The following TRIM33 variants were observed in gnomAD, a reference collection of about 807,000 sequenced individuals.
TRIM33 encodes the protein E3 ubiquitin-protein ligase TRIM33.
TRIM33 carries 20 observed loss-of-function variants against 125.4 expected under a neutral mutation model. That is an observed-to-expected ratio of 0.16 (90% CI 0.11 to 0.23). TRIM33 has a LOEUF of 0.23. TRIM33 is among the 10% of genes least tolerant of loss of function. The pLI, the probability that TRIM33 is intolerant of heterozygous loss-of-function variation, is 1.00. For missense variants in TRIM33, 920 were observed against 1,411.4 expected (o/e 0.65, Z 5.58); for synonymous variants, 564 against 513.9 (o/e 1.10, Z -1.32).
intron 1 of TRIM33, among the ~76,000 whole-genome samples, chr1:114,477,432 A>G (rs1651044877): frequency 6.6e-6 from 1 of 152,178 alleles, no homozygotes; most frequent in Non-Finnish European, 1.5e-5. Context: ...AAAATTATTA[A>G]TGGAACAGAT....
intron 16 of TRIM33, among the ~76,000 whole-genome samples, chr1:114,402,465 G>C (rs982422313): frequency 1.3e-5 from 2 of 152,100 alleles, no homozygotes; most frequent in African/African-American, 4.8e-5. Context: ...GGAATACTGG[G>C]GGAGGAATAC....
intron 4 of TRIM33, among the ~76,000 whole-genome samples, chr1:114,448,375 AGGAT>A (rs1248530105): frequency 6.6e-6 from 1 of 152,200 alleles, no homozygotes; most frequent in Non-Finnish European, 1.5e-5. Flanking sequence ...TTTCAGAGTG[AGGAT>A]GAAGTATTTG....
Position 114,511,107 on chromosome 1 carries a change from C to T in TRIM33, c.-31G>A, listed in dbSNP as rs527494031. 1 of 1,145,644 alleles carries T rather than the reference C, an allele frequency of 8.7e-7. No individual in the cohort carries two copies. Among genetic ancestry groups the T allele is most frequent in the South Asian group, 4.2e-5 (1 of 24,074 alleles). The allele number at this position is 1,145,644 out of a possible 1,614,324, so 71.0% of individuals were successfully genotyped here. A position where few individuals can be genotyped will look rare whatever the true frequency, so the allele number is the denominator to read the frequency against. ...CCTCTTTGAACCCGCCGGACCGCCC[C>T]GCGCCGCCCGCCGCCCGCGTCGCCG... On this transcript the variant is annotated 5_prime_UTR_variant, in exon 1 of 20. Transcript: ENST00000358465.
intron 5 of TRIM33, 142 bp downstream of exon 5, chr1:114,433,475 T>C: frequency 1.8e-6 from 1 of 546,720 alleles, no homozygotes. Context: ...AATTGACAAA[T>C]ATTATAATCC....
chr1:114,424,552 A>T, intron 10 of TRIM33, 39 bp downstream of exon 10: 1 of 1,465,426 alleles, frequency 6.8e-7, no homozygotes, highest in South Asian at 1.5e-5. Flanking sequence ...TTTTAATTTT[A>T]AAATTGTAGG....
At chr1:114,465,048 T>C (rs1263473876) in intron 1 of TRIM33, among the ~76,000 whole-genome samples, 3 of 152,232 alleles carry the variant, frequency 2.0e-5, no homozygotes, top group Non-Finnish European at 4.4e-5. Flanking sequence ...AGACAGGTGC[T>C]GTTTTAAGAC....
At chr1:114,412,528 C>T (rs1287615840) in intron 11 of TRIM33, among the ~76,000 whole-genome samples, 3 of 152,234 alleles carry the variant, frequency 2.0e-5, no homozygotes, top group African/African-American at 4.8e-5. Context: ...ATCAATCCCT[C>T]TCTCAAACAA....
intron 4 of TRIM33, among the ~76,000 whole-genome samples, chr1:114,455,358 G>T (rs893145607): frequency 6.6e-6 from 1 of 152,200 alleles, no homozygotes. Context: ...GACTATGAGT[G>T]ACATGACTAT....
intron 1 of TRIM33, among the ~76,000 whole-genome samples, chr1:114,496,931 G>A (rs1454992097): frequency 1.3e-5 from 2 of 152,126 alleles, no homozygotes; most frequent in Non-Finnish European, 2.9e-5. Flanking sequence ...ACAAAACACT[G>A]TACTCTTTCA....
chr1:114,497,232 C>A (rs1004385293), intron 1 of TRIM33, among the ~76,000 whole-genome samples: 7 of 152,190 alleles, frequency 4.6e-5, no homozygotes, highest in Admixed American at 1.3e-4. Flanking sequence ...TAGTCAAAGA[C>A]AATACATAAA....
At chr1:114,502,046 A>G (rs971616183) in intron 1 of TRIM33, among the ~76,000 whole-genome samples, 2 of 152,232 alleles carry the variant, frequency 1.3e-5, no homozygotes, top group Non-Finnish European at 2.9e-5. Flanking sequence ...CAATCTCTGA[A>G]GTTGGCTTAG....
At chr1:114,408,301 G>GT (rs1028467395) in intron 13 of TRIM33, among the ~76,000 whole-genome samples, 81 of 150,790 alleles carry the variant, frequency 5.4e-4, no homozygotes, top group Non-Finnish European at 9.3e-4. Flanking sequence ...AAATCATCTG[G>GT]TTTTTTTTTC....
At chr1:114,435,765 C>CA (rs1395662991) in intron 4 of TRIM33, among the ~76,000 whole-genome samples, 1 of 151,520 alleles carries the variant, frequency 6.6e-6, no homozygotes, top group African/African-American at 2.4e-5. Context: ...CTCACTCTAT[C>CA]ACCCAAGCTG....
At chr1:114,430,737 A>G (rs568601929) in intron 6 of TRIM33, 61 bp downstream of exon 6, 2 of 911,536 alleles carry the variant, frequency 2.2e-6, no homozygotes, top group South Asian at 1.3e-5. Context: ...TTCAATAAAC[A>G]TTAAAAACAG....
Position 114,502,681 on chromosome 1 carries a change from A to AT in TRIM33, c.526+7869dup, listed in dbSNP as rs925443044. Among the ~76,000 whole-genome samples, 9 of 151,584 alleles carry AT rather than the reference A, an allele frequency of 5.9e-5. No homozygotes were observed. The East Asian group carries it at 1.4e-3, about 23-fold the overall frequency. ...ACCACCACACTCGGATAATTTTTTTATTTTTTCTGGAGTCGGAGTCTCACT... is the reference window on the plus strand; with the variant it reads ...ACCACCACACTCGGATAATTTTTTTATTTTTTTCTGGAGTCGGAGTCTCACT... On this transcript the variant is annotated intron_variant, in intron 1 of 19. Transcript: ENST00000358465.
chr1:114,424,684 C>A lies in TRIM33; in HGVS notation c.1767G>T (p.Gln589His). 6.2e-7 allele frequency: 1 copy of A among 1,611,798 alleles called. No individual in the cohort carries two copies. Among genetic ancestry groups the A allele is most frequent in the Non-Finnish European group, 8.5e-7 (1 of 1,178,686 alleles). ...TGGCAGCATTCTGAGCCAGTCTCAT[C>A]TGATGGGCTTGAAAAGCTCCACAGT... ...NMNCGAFQAH[Q>H]MRLAQNAARI... is the part of the protein sequence containing the mutation. Residue 589 changes from glutamine (Q) to histidine (H), a missense_variant, in exon 10 of 20, where the codon CAG (glutamine) becomes CAT (histidine). Coordinates refer to ENST00000358465, the MANE Select transcript of TRIM33 (RefSeq NM_015906.4).
chr1:114,438,017 G>C (rs1648412580), intron 4 of TRIM33, among the ~76,000 whole-genome samples: 1 of 152,124 alleles, frequency 6.6e-6, no homozygotes, highest in Non-Finnish European at 1.5e-5. Flanking sequence ...GATGTAACAG[G>C]ACCACTTGAG....
In TRIM33 at chr1:114,405,421, A is replaced by T; in HGVS notation, c.2757T>A (p.Leu919=). 7.5e-6 allele frequency: 12 copies of T among 1,607,288 alleles called. No homozygotes were observed. The highest frequency in any genetic ancestry group is 1.0e-5 in the Non-Finnish European group (12 of 1,176,954). Residue 919 remains leucine, a synonymous_variant, in exon 15 of 20, where the codon CTT becomes CTA. Coordinates refer to ENST00000358465, the MANE Select transcript of TRIM33 (RefSeq NM_015906.4). ...TATTTCACTGGTACCTTGGAAAGCT[A>T]AGTAGTGTTGGAACATGACAAGTTA... ...FHLTCHVPTL[L]SFPSGDWICT... is the part of the protein sequence containing the mutation.
At chr1:114,456,128 C>T (rs547652116) in intron 4 of TRIM33, among the ~76,000 whole-genome samples, 10 of 152,228 alleles carry the variant, frequency 6.6e-5, no homozygotes, top group Admixed American at 5.9e-4. Flanking sequence ...GTCTTCATTA[C>T]CTGAATGTAC....
Sources: allele counts gnomAD v4.1 joint callset (sites outside exome capture counted in the v4.1 genomes callset), GRCh38; gene constraint gnomAD v4.1.1; transcripts MANE v1.5; gene names NCBI Gene and HGNC (gene_info 2026-07-23, HGNC 2026-07-21).